Variants in SFXN5 observed in about 807,000 individuals in gnomAD.
SFXN5 encodes the protein sideroflexin-5.
Under a neutral mutation model 50.2 loss-of-function variants are expected in SFXN5, and 43 were observed. The ratio of observed to expected loss-of-function variants is 0.86; its 90% CI spans 0.67 to 1.11. SFXN5 has a LOEUF of 1.11. Among genes scored for constraint, SFXN5 ranks in the 50% least tolerant of loss-of-function variants. The pLI is 0.00. For synonymous variants in SFXN5, 203 were observed against 185.8 expected (o/e 1.09, Z -0.75); for missense variants, 463 against 454.1 (o/e 1.02, Z -0.18).
intron 6 of SFXN5, among the ~76,000 whole-genome samples, chr2:73,017,520 G>C (rs1676322002): frequency 6.6e-6 from 1 of 152,110 alleles, no homozygotes; most frequent in Non-Finnish European, 1.5e-5. Context: ...ACTTTCTAAG[G>C]ACAAAAAGAA....
At chr2:72,989,509 G>C (rs142653756) in intron 9 of SFXN5, among the ~76,000 whole-genome samples, 110 of 152,216 alleles carry the variant, frequency 7.2e-4, no homozygotes, top group African/African-American at 2.3e-3. Context: ...ATGATGTCAC[G>C]GGACCGGATG....
At chr2:73,010,070 T>C (rs1675299323) in intron 6 of SFXN5, among the ~76,000 whole-genome samples, 1 of 152,216 alleles carries the variant, frequency 6.6e-6, no homozygotes. Flanking sequence ...TACCACCAAA[T>C]TGTATATCTT....
intron 12 of SFXN5, among the ~76,000 whole-genome samples, chr2:72,964,207 G>A (rs1170969182): frequency 9.9e-5 from 15 of 152,178 alleles, no homozygotes; most frequent in Admixed American, 9.2e-4. Flanking sequence ...CACTTGGAGC[G>A]CAGTTTTAGT....
intron 3 of SFXN5, among the ~76,000 whole-genome samples, chr2:73,034,798 G>A (rs531174164): frequency 3.9e-5 from 6 of 152,214 alleles, no homozygotes; most frequent in African/African-American, 9.6e-5. Flanking sequence ...TACCACTGTC[G>A]TGCTACTCCC....
At chr2:73,011,150 C>A (rs1258692845) in intron 6 of SFXN5, among the ~76,000 whole-genome samples, 1 of 152,230 alleles carries the variant, frequency 6.6e-6, no homozygotes, top group African/African-American at 2.4e-5. Context: ...AACTCCTCAG[C>A]TCAAGTAATC....
intron 3 of SFXN5, among the ~76,000 whole-genome samples, chr2:73,027,053 C>A (rs528795309): frequency 1.0e-4 from 15 of 149,588 alleles, no homozygotes; most frequent in African/African-American, 3.6e-4. Flanking sequence ...GAGTGTATAC[C>A]TTCTATTTAT....
intron 2 of SFXN5, among the ~76,000 whole-genome samples, chr2:73,055,863 C>T (rs989473529): frequency 3.9e-5 from 6 of 152,190 alleles, no homozygotes; most frequent in Admixed American, 1.3e-4. Context: ...GTTATCTGCC[C>T]GCCTTGGCCT....
At chr2:73,010,622 T>G (rs1422917318) in intron 6 of SFXN5, among the ~76,000 whole-genome samples, 3 of 152,218 alleles carry the variant, frequency 2.0e-5, no homozygotes, top group Non-Finnish European at 4.4e-5. Context: ...ACTGACATAT[T>G]CAGATACCAT....
Position 73,002,052 on chromosome 2 carries a change from C to A in SFXN5, c.358-474G>T, listed in dbSNP as rs527422745. 3.9e-5 allele frequency among the ~76,000 whole-genome samples: 6 copies of A among 152,258 alleles called. No homozygotes were observed. In the South Asian group the frequency reaches 1.2e-3, roughly 32 times the overall value. On this transcript the variant is annotated intron_variant, in intron 6 of 13. Coordinates refer to ENST00000272433, the MANE Select transcript of SFXN5 (RefSeq NM_144579.3). Reference sequence around the variant, plus strand: ...ACCTGACTGCTCACCCTAGCCTTCCCGTAGGATTTTTGCGAGGATTAAACA... The same window carrying A: ...ACCTGACTGCTCACCCTAGCCTTCCAGTAGGATTTTTGCGAGGATTAAACA...
At chr2:72,971,033 A>G (rs1018696769) in intron 11 of SFXN5, among the ~76,000 whole-genome samples, 2 of 152,156 alleles carry the variant, frequency 1.3e-5, no homozygotes, top group African/African-American at 4.8e-5. Context: ...GGCTGAGCCT[A>G]TGAAACCAGT....
intron 8 of SFXN5, among the ~76,000 whole-genome samples, chr2:72,999,429 C>T (rs1574075352): frequency 6.6e-6 from 1 of 152,088 alleles, no homozygotes; most frequent in Admixed American, 6.5e-5. Flanking sequence ...CTCTCACAGG[C>T]CTTGCCAGCC....
Position 73,050,388 on chromosome 2 carries a change from G to GCGCGCGCGCGCACACACACACA in SFXN5, c.171+8139_171+8140insTGTGTGTGTGTGCGCGCGCGCG. ...GTGGAGGTAGCGCCGCAGCCACAGC[G>GCGCGCGCGCGCACACACACACA]CACGCACACACACACACACACACAC... On this transcript the variant is annotated intron_variant, in intron 2 of 13. Transcript: ENST00000272433. Among the ~76,000 whole-genome samples the GCGCGCGCGCGCACACACACACA allele has an allele frequency of 3.5e-5, 5 of 143,808 alleles. No individual in the cohort carries two copies. The South Asian group carries it at 1.1e-3, about 31-fold the overall frequency. 94.3% of individuals were successfully genotyped at this position (143,808 alleles called of 152,430 possible).
chr2:73,004,584 G>A (rs1336128031), intron 6 of SFXN5, among the ~76,000 whole-genome samples: 4 of 152,160 alleles, frequency 2.6e-5, no homozygotes, highest in African/African-American at 9.7e-5. Flanking sequence ...CAGGAGCAGG[G>A]ACAGCCGAGA....
rs1461712940 is a variant in SFXN5 at position 72,992,663 on chromosome 2, T to C, written c.535-4315A>G. On this transcript the variant is annotated intron_variant, in intron 9 of 13. Coordinates refer to ENST00000272433, the MANE Select transcript of SFXN5 (RefSeq NM_144579.3). The surrounding 1 kb of genome is among the most constrained non-coding windows in gnomAD (Gnocchi z 4.5). ...TCCCTGGTGCATCTCCCGGATGTCA[T>C]GAATGCAGCTGTTTGCTCTCCCTGC... Among the ~76,000 whole-genome samples, 5 of 152,198 alleles carry C rather than the reference T, an allele frequency of 3.3e-5. No homozygotes were observed. The highest frequency in any genetic ancestry group is 1.3e-4 in the Admixed American group (2 of 15,280).
intron 3 of SFXN5, among the ~76,000 whole-genome samples, chr2:73,029,610 C>T (rs1678037659): frequency 6.6e-6 from 1 of 152,204 alleles, no homozygotes. Flanking sequence ...CCCAGGCCTC[C>T]TCACCTAGGT....
intron 3 of SFXN5, among the ~76,000 whole-genome samples, chr2:73,029,635 A>C: frequency 6.6e-6 from 1 of 152,176 alleles, no homozygotes; most frequent in East Asian, 1.9e-4. Flanking sequence ...CCGGCACTGG[A>C]GCATGTCAGT....
At chr2:72,995,089 A>G (rs549263627) in intron 9 of SFXN5, 2 of 152,322 alleles carry the variant, frequency 1.3e-5, no homozygotes, top group Non-Finnish European at 2.9e-5. Context: ...AGTGCCTTGA[A>G]AGATATACCA....
chr2:72,972,444 T>C (rs886741573), intron 10 of SFXN5, among the ~76,000 whole-genome samples: 1 of 152,234 alleles, frequency 6.6e-6, no homozygotes, highest in Non-Finnish European at 1.5e-5. Context: ...TAGGCCCCTC[T>C]GCCATCTGAG....
At chr2:73,017,747 G>A (rs1007756396) in intron 6 of SFXN5, among the ~76,000 whole-genome samples, 1 of 152,168 alleles carries the variant, frequency 6.6e-6, no homozygotes, top group African/African-American at 2.4e-5. Flanking sequence ...ATAAACTCAT[G>A]AATTTTTACA....
Sources: gnomAD v4.1 joint callset for allele counts (sites outside exome capture counted in the v4.1 genomes callset) on GRCh38, gnomAD v4.1.1 for gene constraint, Gnocchi (gnomAD v3.1) non-coding constraint, MANE v1.5 for transcripts, NCBI Gene and HGNC (gene_info 2026-07-23, HGNC 2026-07-21) for gene names.